OPCML: variants seen among roughly 807,000 people sequenced by gnomAD.
OPCML encodes opioid-binding protein/cell adhesion molecule.
A neutral mutation model predicts 37.8 loss-of-function variants in OPCML; 13 were observed. The ratio of observed to expected loss-of-function variants is 0.34; its 90% CI spans 0.22 to 0.55. The LOEUF is 0.55. Among genes scored for constraint, OPCML ranks in the 20% least tolerant of loss-of-function variants. The pLI, the probability that OPCML is intolerant of heterozygous loss-of-function variation, is 0.91. For synonymous variants in OPCML, 176 were observed against 168.8 expected (o/e 1.04, Z -0.33); for missense variants, 341 against 435.6 (o/e 0.78, Z 1.93).
chr11:133,155,613 C>G (rs572395648), intron 1 of OPCML, among the ~76,000 whole-genome samples: 1 of 152,128 alleles, frequency 6.6e-6, no homozygotes, highest in Non-Finnish European at 1.5e-5. Flanking sequence ...TTAACTATGC[C>G]GAGCAGGCTA....
chr11:133,132,871 A>C (rs1328010748), intron 1 of OPCML, among the ~76,000 whole-genome samples: 2 of 151,846 alleles, frequency 1.3e-5, no homozygotes, highest in Non-Finnish European at 2.9e-5. Context: ...AAAAAAAAAA[A>C]ACTTGGGGGA....
chr11:133,398,609 T>C (rs1169357743), intron 1 of OPCML, among the ~76,000 whole-genome samples: 2 of 141,822 alleles, frequency 1.4e-5, no homozygotes, highest in Non-Finnish European at 3.0e-5. Context: ...ATATCTTTTT[T>C]TAAAAAAAAA....
intron 2 of OPCML, among the ~76,000 whole-genome samples, chr11:132,662,350 T>G (rs1452829033): frequency 1.3e-5 from 2 of 151,040 alleles, no homozygotes; most frequent in African/African-American, 4.9e-5. Context: ...AAAATTAAAA[T>G]CAATTGGCTT....
At chr11:133,015,371 T>G (rs111553018) in intron 1 of OPCML, among the ~76,000 whole-genome samples, 2,874 of 57,230 alleles carry the variant, frequency 0.05, 83 homozygotes, top group African/African-American at 0.1. Flanking sequence ...AAGGGAGGAA[T>G]GAAGGAAGGA....
chr11:132,724,171 T>A (rs1565809508), intron 2 of OPCML, among the ~76,000 whole-genome samples: 1 of 151,928 alleles, frequency 6.6e-6, no homozygotes, highest in Non-Finnish European at 1.5e-5. Context: ...AGAACCCACC[T>A]CCCACCACCC....
intron 1 of OPCML, among the ~76,000 whole-genome samples, chr11:133,151,514 T>C (rs1023484287): frequency 6.6e-6 from 1 of 152,124 alleles, no homozygotes; most frequent in Non-Finnish European, 1.5e-5. Flanking sequence ...CAATATGACC[T>C]TGTCCAGAAT....
chr11:132,843,448 C>T (rs1432638994), intron 2 of OPCML, among the ~76,000 whole-genome samples: 2 of 152,068 alleles, frequency 1.3e-5, no homozygotes, highest in Non-Finnish European at 2.9e-5. Flanking sequence ...CAGCAAGATT[C>T]TGATGCAACG....
At chr11:133,115,426 C>G (rs560824050) in intron 1 of OPCML, among the ~76,000 whole-genome samples, 1 of 152,196 alleles carries the variant, frequency 6.6e-6, no homozygotes, top group South Asian at 2.1e-4. Context: ...GGAGTAGATT[C>G]AGTGCCTAGA....
chr11:132,502,076 CTCTACATGTTCATGTATTAT>C (rs900159041), intron 4 of OPCML, among the ~76,000 whole-genome samples: 3 of 152,198 alleles, frequency 2.0e-5, no homozygotes, highest in African/African-American at 7.2e-5. Context: ...TGATGACAAT[CTCTACATGTTCATGTATTAT>C]AGACATGTTT....
rs145850332 is a variant in OPCML at position 133,323,189 on chromosome 11, C to T, written c.61+209075G>A. On this transcript the variant is annotated intron_variant, in intron 1 of 7. Coordinates refer to ENST00000524381, the MANE Select transcript of OPCML (RefSeq NM_001012393.5). ...TGGACAAGCTGGGGGAAGGCATGTG[C>T]CAGAGCAAAACCAGCTTCACAGTCC... 1.8e-3 allele frequency among the ~76,000 whole-genome samples: 279 copies of T among 152,220 alleles called. 3 individuals are homozygous for T. Among genetic ancestry groups the T allele is most frequent in the African/African-American group, 6.2e-3 (258 of 41,536 alleles).
intron 1 of OPCML, among the ~76,000 whole-genome samples, chr11:133,340,963 C>G (rs925130401): frequency 6.6e-6 from 1 of 152,128 alleles, no homozygotes; most frequent in African/African-American, 2.4e-5. Context: ...AAGATGCGAC[C>G]CTGACACTTC....
chr11:133,140,901 C>CGAAGAA (rs1491471027), intron 1 of OPCML, among the ~76,000 whole-genome samples: 1 of 3,060 alleles, frequency 3.3e-4, no homozygotes, highest in African/African-American at 4.4e-4. Context: ...ACGAAGACGA[C>CGAAGAA]GACGACGAAG....
chr11:133,127,053 A>G (rs949864958), intron 1 of OPCML, among the ~76,000 whole-genome samples: 1 of 152,156 alleles, frequency 6.6e-6, no homozygotes, highest in Non-Finnish European at 1.5e-5. Flanking sequence ...CAAACTTTCA[A>G]AATATAATGA....
chr11:133,191,704 G>T (rs1277045816), intron 1 of OPCML, among the ~76,000 whole-genome samples: 2 of 152,132 alleles, frequency 1.3e-5, no homozygotes, highest in South Asian at 4.1e-4. Flanking sequence ...ATGTTGGCCA[G>T]GCTGGTCTTG....
At chr11:133,010,084 G>A (rs1947188000) in intron 1 of OPCML, among the ~76,000 whole-genome samples, 1 of 152,162 alleles carries the variant, frequency 6.6e-6, no homozygotes, top group Non-Finnish European at 1.5e-5. Flanking sequence ...GGATGCCTTT[G>A]CATTTTGAAT....
chr11:132,942,094 A>G (rs1447624368), intron 2 of OPCML, among the ~76,000 whole-genome samples: 3 of 152,164 alleles, frequency 2.0e-5, no homozygotes, highest in Admixed American at 1.3e-4. Context: ...CTAGGACCAG[A>G]ACTGCCTCAT....
chr11:132,803,620 C>T (rs1044749191), intron 2 of OPCML, among the ~76,000 whole-genome samples: 1 of 152,224 alleles, frequency 6.6e-6, no homozygotes, highest in Non-Finnish European at 1.5e-5. Context: ...ACTCATCCTT[C>T]ACTAATGAGC....
intron 1 of OPCML, among the ~76,000 whole-genome samples, chr11:133,496,403 G>T (rs528743520): frequency 3.3e-5 from 5 of 152,244 alleles, no homozygotes; most frequent in African/African-American, 1.2e-4. Flanking sequence ...GGTTCCATAT[G>T]AATTTTAGAA....
At chr11:133,190,979 C>T (rs758967387) in intron 1 of OPCML, among the ~76,000 whole-genome samples, 2 of 151,582 alleles carry the variant, frequency 1.3e-5, no homozygotes, top group Non-Finnish European at 2.9e-5. Context: ...TGTAGACATA[C>T]ATTTTTATTT....
Sources: allele counts gnomAD v4.1 joint callset (sites outside exome capture counted in the v4.1 genomes callset), GRCh38; gene constraint gnomAD v4.1.1; transcripts MANE v1.5; gene names NCBI Gene and HGNC (gene_info 2026-07-23, HGNC 2026-07-21).